Variants in POC1B observed in about 807,000 individuals in gnomAD.
POC1B encodes POC1 centriolar protein homolog B.
Under a neutral mutation model 60.6 loss-of-function variants are expected in POC1B, and 44 were observed. The ratio of observed to expected loss-of-function variants is 0.73; its 90% confidence interval spans 0.57 to 0.93. POC1B has a LOEUF of 0.93. Ranked by LOEUF, POC1B falls within the 40% of genes least tolerant of loss-of-function variation. The pLI is 0.00. For synonymous variants in POC1B, 180 were observed against 198.9 expected, an observed-to-expected ratio of 0.90 and a Z score of 0.80; for missense variants, 555 against 572.3, an observed-to-expected ratio of 0.97 and a Z score of 0.31.
chr12:89,469,017 C>A (rs1022549597), intron 7 of POC1B, among the ~76,000 whole-genome samples: 1 of 152,174 alleles, frequency 6.6e-6, no homozygotes, highest in Non-Finnish European at 1.5e-5. Context: ...GTAATCCCAG[C>A]ACTTTGGGAG....
chr12:89,520,311 T>C (rs936828646), intron 2 of POC1B: 4 of 152,070 alleles, frequency 2.6e-5, no homozygotes, highest in African/African-American at 9.7e-5. Context: ...AAAATAAAAA[T>C]AATGTAATAA....
chr12:89,459,624 A>AAAG lies in POC1B; in HGVS notation c.1113+13_1113+14insCTT. ...CACTTAAGTGTCAAAAAAAAAAAAA[A>AAAG]AAACCCGACTTACTGTGGTAGAATC... is the stretch of plus-strand genomic sequence containing the variant. On this transcript the variant is annotated intron_variant, in intron 10 of 11. Coordinates refer to ENST00000313546, the MANE Select transcript of POC1B (RefSeq NM_172240.3). The AAAG allele has an allele frequency of 7.2e-7, 1 of 1,398,532 alleles. No homozygotes were observed. The highest frequency in any genetic ancestry group is 2.5e-5 in the Admixed American group (1 of 40,606). The allele number at this position is 1,398,532 out of a possible 1,614,324, so 86.6% of individuals were successfully genotyped here.
At chr12:89,468,902 G>T (rs1882784504) in intron 7 of POC1B, among the ~76,000 whole-genome samples, 1 of 151,726 alleles carries the variant, frequency 6.6e-6, no homozygotes, top group African/African-American at 2.4e-5. Flanking sequence ...AAAAAAAGAG[G>T]ATGCATTCTA....
Position 89,492,090 on chromosome 12 carries a change from C to CT in POC1B, c.297dup (p.Ala100SerfsTer14), listed in dbSNP as rs756119527. The stretch of plus-strand genomic sequence containing the variant: ...ACACTTCGAACTGGAGCTGTATGAG[C>CT]TTTAAATTCTGAGAATTTTCCTCTC... On this transcript the variant is annotated frameshift_variant, in exon 4 of 12. Coordinates refer to ENST00000313546, the MANE Select transcript of POC1B (RefSeq NM_172240.3). LOFTEE classifies it high-confidence loss of function. 5 of 1,565,288 alleles carry CT rather than the reference C, an allele frequency of 3.2e-6. No homozygotes were observed. The South Asian group carries it at 6.0e-5, about 19-fold the overall frequency.
chr12:89,486,905 A>T (rs547789134), intron 4 of POC1B, among the ~76,000 whole-genome samples: 18 of 151,524 alleles, frequency 1.2e-4, no homozygotes, highest in South Asian at 6.3e-4. Context: ...TCTCTCTCTC[A>T]CACACACACA....
chr12:89,525,762 C>T, intron 1 of POC1B, 119 bp downstream of exon 1: 1 of 1,353,536 alleles, frequency 7.4e-7, no homozygotes, highest in South Asian at 1.8e-5. Flanking sequence ...GGGCTCAGGA[C>T]CCGGCTACGG....
chr12:89,522,362 AAAG>A, intron 2 of POC1B: 1 of 392,660 alleles, frequency 2.5e-6, no homozygotes, highest in Admixed American at 4.4e-5. Context: ...GCTGGCTAAA[AAAG>A]AAATACAAAT....
intron 4 of POC1B, among the ~76,000 whole-genome samples, chr12:89,485,520 CA>C (rs1308499378): frequency 1.3e-5 from 2 of 152,146 alleles, no homozygotes; most frequent in Admixed American, 1.3e-4. Context: ...TCACATTAAT[CA>C]TTCACTCCAA....
intron 10 of POC1B, among the ~76,000 whole-genome samples, chr12:89,457,905 T>A (rs1246531610): frequency 1.3e-5 from 2 of 152,208 alleles, no homozygotes; most frequent in East Asian, 3.8e-4. Context: ...GTATTATAGA[T>A]GTATACTACA....
rs565598325 is a variant in POC1B at position 89,429,092 on chromosome 12, T to C, written c.1114-3713A>G. On this transcript the variant is annotated intron_variant, in intron 10 of 11. Transcript: ENST00000313546. Reference sequence around the variant, plus strand: ...TAGTATAGAAAGGACAATAGGAAAATTGGCAAAGATGATTTAAGACCATAG... The same window carrying C: ...TAGTATAGAAAGGACAATAGGAAAACTGGCAAAGATGATTTAAGACCATAG... 7.2e-5 allele frequency: 11 copies of C among 152,176 alleles called. No individual in the cohort carries two copies. The South Asian group carries it at 1.9e-3, about 26-fold the overall frequency. 9.4% of individuals were successfully genotyped at this position (152,176 alleles called of 1,614,324 possible).
intron 10 of POC1B, among the ~76,000 whole-genome samples, chr12:89,443,209 A>G (rs966091955): frequency 4.6e-5 from 7 of 152,220 alleles, no homozygotes; most frequent in African/African-American, 1.7e-4. Flanking sequence ...CAGAAAGTTA[A>G]CAAGGATATC....
chr12:89,469,022 T>C (rs971086443), intron 7 of POC1B, among the ~76,000 whole-genome samples: 2 of 152,194 alleles, frequency 1.3e-5, no homozygotes, highest in African/African-American at 4.8e-5. Flanking sequence ...CCCAGCACTT[T>C]GGGAGGCCAA....
chr12:89,512,162 T>C (rs1054894863), intron 2 of POC1B, among the ~76,000 whole-genome samples: 1 of 152,222 alleles, frequency 6.6e-6, no homozygotes, highest in Non-Finnish European at 1.5e-5. Context: ...CAGAAGTAGT[T>C]TGTACTATGC....
chr12:89,497,015 T>G, intron 3 of POC1B, 156 bp downstream of exon 3: 1 of 689,484 alleles, frequency 1.5e-6, no homozygotes, highest in Non-Finnish European at 2.3e-6. Context: ...AGGAAAAAAA[T>G]TGTATGAATT....
intron 2 of POC1B, among the ~76,000 whole-genome samples, chr12:89,517,046 T>C (rs1870475051): frequency 6.6e-6 from 1 of 152,136 alleles, no homozygotes; most frequent in South Asian, 2.1e-4. Context: ...TGGACACATG[T>C]TTTGGAGGGC....
chr12:89,437,961 T>A (rs1162644729), intron 10 of POC1B, among the ~76,000 whole-genome samples: 6 of 149,830 alleles, frequency 4.0e-5, no homozygotes, highest in Admixed American at 2.7e-4. Context: ...GCAGGAGAAT[T>A]GCTTGCTCAA....
chr12:89,484,605 C>T (rs1416034343), intron 4 of POC1B, among the ~76,000 whole-genome samples: 2 of 152,220 alleles, frequency 1.3e-5, no homozygotes, highest in East Asian at 1.9e-4. Flanking sequence ...ATAAGGAAGG[C>T]ACTTCCATTG....
chr12:89,416,848 C>T (rs980650033), downstream of POC1B, among the ~76,000 whole-genome samples: 2 of 152,234 alleles, frequency 1.3e-5, no homozygotes, highest in Non-Finnish European at 2.9e-5. Context: ...GTTCATCCCA[C>T]AGGCAAGTGG....
chr12:89,502,147 GAGGA>G, intron 2 of POC1B: 1 of 1,192,322 alleles, frequency 8.4e-7, no homozygotes, highest in African/African-American at 1.5e-5. Flanking sequence ...TTCAGTTTTA[GAGGA>G]AAGTGGACCT....
Sources: gnomAD v4.1 joint callset for allele counts (sites outside exome capture counted in the v4.1 genomes callset) on GRCh38, gnomAD v4.1.1 for gene constraint, MANE v1.5 for transcripts, NCBI Gene and HGNC (gene_info 2026-07-23, HGNC 2026-07-21) for gene names.